Variants in CELSR3 observed in about 807,000 individuals in gnomAD.
CELSR3 encodes the protein EGF-like protein 1.
A neutral mutation model predicts 270.0 loss-of-function variants in CELSR3; 73 were observed. The ratio of observed to expected loss-of-function variants is 0.27; its 90% confidence interval spans 0.22 to 0.33. The LOEUF (loss-of-function observed/expected upper bound fraction) is 0.33. CELSR3 is among the 10% of genes least tolerant of loss of function. The pLI, the probability that CELSR3 is intolerant of heterozygous loss-of-function variation, is 1.00. For missense variants in CELSR3, 3,614 were observed against 4,533.8 expected (o/e 0.80, Z 5.83); for synonymous variants, 1,780 against 1,905.4 (o/e 0.93, Z 1.71).
chr3:48,656,196 A>G lies in CELSR3; in HGVS notation c.4569T>C (p.Ser1523=). Residue 1523 remains serine, a synonymous_variant, in exon 3 of 35, where the codon AGT becomes AGC. Coordinates refer to ENST00000164024, the MANE Select transcript of CELSR3 (RefSeq NM_001407.3). ...GCAGGCCGCGAAACATGACGAACGA[A>G]CTGGGCGGGAAGGAGCGCGCAGCCA... is the stretch of plus-strand genomic sequence containing the variant. ...CEVAARSFPP[S]SFVMFRGLRQ... 1.3e-6 allele frequency: 2 copies of G among 1,537,882 alleles called. No homozygotes were observed. The highest frequency in any genetic ancestry group is 1.7e-6 in the Non-Finnish European group (2 of 1,148,028).
Position 48,650,972 on chromosome 3 carries a change from G to A in CELSR3, c.6290C>T (p.Pro2097Leu), listed in dbSNP as rs746772187. Residue 2097 changes from proline (P) to leucine (L), a missense_variant, in exon 15 of 35, where the codon CCC (proline) becomes CTC (leucine). Physicochemically the swap from Pro to Leu is moderately conservative, Grantham distance 98. Transcript: ENST00000164024. The surrounding 1 kb of genome is among the most constrained non-coding windows in gnomAD (Gnocchi z 5.1). ...RSCAPHSGQC[P>L]CRPGALGRQC... ...GCGGCCAAGGGCTCCTGGGCGACAG[G>A]GGCACTGCCCGCTGTGGGGTGCACA... 8 of 1,611,890 alleles carry A rather than the reference G, an allele frequency of 5.0e-6. No homozygotes were observed. In the East Asian group the frequency reaches 8.9e-5, roughly 18 times the overall value.
At position 48,649,174 on chromosome 3, in the gene CELSR3, C is replaced by A; in HGVS notation, c.6514G>T (p.Glu2172Ter). Residue 2172 changes from glutamate (E) to a stop codon, truncating the protein, a stop_gained, in exon 17 of 35, where the codon GAG (glutamate) becomes TAG (stop). Transcript: ENST00000164024. LOFTEE classifies it high-confidence loss of function. Reference sequence around the variant, plus strand: ...GAGGTACAGTTGAAGAGGTCGGGCTCCAGCCAACCCTGGGCCTCATCACAC... The same window carrying A: ...GAGGTACAGTTGAAGAGGTCGGGCTACAGCCAACCCTGGGCCTCATCACAC... ...RLCDEAQGWL[E>*]PDLFNCTSPA... 6.2e-7 allele frequency: 1 copy of A among 1,612,148 alleles called. No homozygotes were observed. Among genetic ancestry groups the A allele is most frequent in the East Asian group, 2.2e-5 (1 of 44,858 alleles).
Position 48,650,410 on chromosome 3 carries a change from C to T in CELSR3, c.6472+70G>A. On this transcript the variant is annotated intron_variant, in intron 16 of 34. Coordinates refer to ENST00000164024, the MANE Select transcript of CELSR3 (RefSeq NM_001407.3). This position sits in a 1 kb window ranked among gnomAD's most constrained non-coding sequence, Gnocchi z 5.1. Reference sequence around the variant, plus strand: ...CAAAGCCACCCAATTTAGGAAAAGACATGGCTCTAGCAGTCAGAGTACAGG... The same window carrying T: ...CAAAGCCACCCAATTTAGGAAAAGATATGGCTCTAGCAGTCAGAGTACAGG... 1 of 1,235,384 alleles carries T rather than the reference C, an allele frequency of 8.1e-7. No homozygotes were observed. The highest frequency in any genetic ancestry group is 1.2e-6 in the Non-Finnish European group (1 of 863,388). 76.5% of individuals were successfully genotyped at this position (1,235,384 alleles called of 1,614,324 possible).
At position 48,657,307 on chromosome 3, in the gene CELSR3, C is replaced by A. The variant is rs2077031937; in HGVS notation, c.3790G>T (p.Val1264Phe). The A allele has an allele frequency of 1.2e-6, 2 of 1,609,312 alleles. No homozygotes were observed. Among genetic ancestry groups the A allele is most frequent in the South Asian group, 1.1e-5 (1 of 90,390 alleles). ...GCCAGCAACTCCTCCGTGATGATGA[C>A]CACGCGCAGCACACACTGCGCCGTC... The part of the protein sequence containing the change: ...SVTAQCVLRV[V>F]IITEELLANS... Residue 1264 changes from valine to phenylalanine, a missense_variant, in exon 2 of 35, where the codon GTC becomes TTC. Physicochemically the swap from Val to Phe is conservative, Grantham distance 50 (BLOSUM62 -1). This residue lies in a region of CELSR3 where 1,331 missense variants were observed against 1,933.7 expected (regional missense o/e 0.69). Transcript: ENST00000164024. This position sits in a 1 kb window ranked among gnomAD's most constrained non-coding sequence, Gnocchi z 5.4.
rs781777002 is a variant in CELSR3 at position 48,662,203 on chromosome 3, C to T, written c.432G>A (p.Arg144=). ...YWRPEVSSCG[R]TGPLQRGSLS... ...GACTACCTCTTTGCAAAGGTCCTGT[C>T]CGCCCGCAAGAGGAGACCTCTGGGC... The change falls in exon 1 of 35, where the codon CGG becomes CGA. Residue 144 remains arginine (R), a synonymous_variant. Coordinates refer to ENST00000164024, the MANE Select transcript of CELSR3 (RefSeq NM_001407.3). This position sits in a 1 kb window ranked among gnomAD's most constrained non-coding sequence, Gnocchi z 7.1. 75 of 1,612,884 alleles carry T rather than the reference C, an allele frequency of 4.7e-5. No homozygotes were observed. In the Admixed American group the frequency reaches 6.2e-4, roughly 13 times the overall value.
rs1045256045 is a variant in CELSR3, at chr3:48,646,936, G to A, written c.7130-8C>T. 5.3e-6 allele frequency: 8 copies of A among 1,516,700 alleles called. No individual in the cohort carries two copies. Among genetic ancestry groups the A allele is most frequent in the African/African-American group, 1.4e-5 (1 of 70,060 alleles). The allele number at this position is 1,516,700 out of a possible 1,614,324, so 94.0% of individuals were successfully genotyped here. A position where few individuals can be genotyped will look rare whatever the true frequency, so the allele number is the denominator to read the frequency against. ...TGCTGCTTGTGGGCAGAACTGCCAG[G>A]AGAGAAGGAGGAGCTTCTGTCAGTG... On this transcript the variant is annotated splice_region_variant and splice_polypyrimidine_tract_variant and intron_variant, in intron 20 of 34. Coordinates refer to ENST00000164024, the MANE Select transcript of CELSR3 (RefSeq NM_001407.3). This position sits in a 1 kb window ranked among gnomAD's most constrained non-coding sequence, Gnocchi z 4.8.
At position 48,648,699 on chromosome 3, in the gene CELSR3, A is replaced by G. The variant is rs1187596990; in HGVS notation, c.6777+20T>C. ...GGAGCTGGGGGGCCAAGGCACTGAG[A>G]ACATAGGGCACAGCCCCACCTCATT... On this transcript the variant is annotated intron_variant, in intron 18 of 34. Transcript: ENST00000164024. 2 of 1,604,670 alleles carry G rather than the reference A, an allele frequency of 1.2e-6. No individual in the cohort carries two copies. The highest frequency in any genetic ancestry group is 1.7e-6 in the Non-Finnish European group (2 of 1,178,530).
In CELSR3 at chr3:48,654,394, A is replaced by C; in HGVS notation, c.5047T>G (p.Phe1683Val). The C allele has an allele frequency of 6.2e-7, 1 of 1,609,638 alleles. No homozygotes were observed. The highest frequency in any genetic ancestry group is 8.5e-7 in the Non-Finnish European group (1 of 1,176,392). The change falls in exon 7 of 35, where the codon TTC becomes GTC. Residue 1683 changes from phenylalanine (F) to valine (V), a missense_variant. Phe to Val is a conservative substitution (Grantham distance 50). Transcript: ENST00000164024. This position sits in a 1 kb window ranked among gnomAD's most constrained non-coding sequence, Gnocchi z 5.4. ...ATGAAGTCCTTATGGGATACGGGGA[A>C]GTTCTCGGGGAGGTTGGGGACACCT... The part of the protein sequence containing the change: ...LGGVPNLPEN[F>V]PVSHKDFIGC...
At position 48,651,141 on chromosome 3, in the gene CELSR3, G is replaced by A; in HGVS notation, c.6187-66C>T. 1 of 1,501,814 alleles carries A rather than the reference G, an allele frequency of 6.7e-7. No homozygotes were observed. Among genetic ancestry groups the A allele is most frequent in the Non-Finnish European group, 9.0e-7 (1 of 1,113,478 alleles). The allele number at this position is 1,501,814 out of a possible 1,614,324, so 93.0% of individuals were successfully genotyped here. On this transcript the variant is annotated intron_variant, in intron 14 of 34. Coordinates refer to ENST00000164024, the MANE Select transcript of CELSR3 (RefSeq NM_001407.3). The surrounding 1 kb of genome is among the most constrained non-coding windows in gnomAD (Gnocchi z 7.4). The stretch of plus-strand genomic sequence containing the variant: ...GGCTTGGGGAATGAGTGGAATCAAG[G>A]ATAAAGGGTCAAGAGAACAGTGCTC...
In CELSR3 at chr3:48,640,444, G is replaced by A. The variant is rs372356484; in HGVS notation, c.9141C>T (p.Tyr3047=). 43 of 1,612,646 alleles carry A rather than the reference G, an allele frequency of 2.7e-5. No homozygotes were observed. The highest frequency in any genetic ancestry group is 2.2e-4 in the East Asian group (10 of 44,884). The change falls in exon 34 of 35, where the codon TAC becomes TAT. Residue 3047 remains tyrosine (Y), a synonymous_variant. Transcript: ENST00000164024. This position sits in a 1 kb window ranked among gnomAD's most constrained non-coding sequence, Gnocchi z 7.5. ...TGCCCCCGCCAGCATAGATGCGACC[G>A]TAAGAGGCAGCTGGCACAGCACGGT... ...LGHRAVPAAS[Y]GRIYAGGGTG...
chr3:48,657,022 G>A lies in CELSR3; in HGVS notation c.4075C>T (p.Arg1359Cys). Reference protein sequence around the residue: ...SEELQEQLYVRRAALAARSLL... With the variant: ...SEELQEQLYVCRAALAARSLL... ...GAGCGAGCCGCCAGCGCCGCCCGGC[G>A]CACGTACAACTGCTCCTGCAGCTCC... Residue 1359 changes from arginine (R) to cysteine (C), a missense_variant, in exon 2 of 35, where the codon CGC becomes TGC. By Grantham distance (180) the Arg-to-Cys change is radical (BLOSUM62 -3). This residue lies in a region of CELSR3 where 1,331 missense variants were observed against 1,933.7 expected (regional missense o/e 0.69). Transcript: ENST00000164024. The surrounding 1 kb of genome is among the most constrained non-coding windows in gnomAD (Gnocchi z 5.4). The A allele has an allele frequency of 1.2e-6, 2 of 1,613,506 alleles. No homozygotes were observed. Among genetic ancestry groups the A allele is most frequent in the Non-Finnish European group, 8.5e-7 (1 of 1,179,790 alleles).
rs2047159527 is a variant in CELSR3, at chr3:48,653,963, G to A, written c.5193C>T (p.Cys1731=). The A allele has an allele frequency of 1.2e-6, 2 of 1,613,438 alleles. No individual in the cohort carries two copies. The highest frequency in any genetic ancestry group is 2.7e-5 in the African/African-American group (2 of 74,956). The part of the protein sequence containing the change: ...AKLHFCDSGP[C]KNSGFCSERW... Reference sequence around the variant, plus strand: ...GCTCCGAGCAGAAGCCACTGTTCTTGCAGGGGCCTGAGTCACAAAAGTGTA... The same window carrying A: ...GCTCCGAGCAGAAGCCACTGTTCTTACAGGGGCCTGAGTCACAAAAGTGTA... The change falls in exon 8 of 35, where the codon TGC becomes TGT. Residue 1731 remains cysteine, a synonymous_variant. Transcript: ENST00000164024. The surrounding 1 kb of genome is among the most constrained non-coding windows in gnomAD (Gnocchi z 6.5).
chr3:48,654,996 G>A lies in CELSR3; in HGVS notation c.4988+48C>T. 6.3e-7 allele frequency: 1 copy of A among 1,575,654 alleles called. No homozygotes were observed. The highest frequency in any genetic ancestry group is 8.7e-7 in the Non-Finnish European group (1 of 1,145,550). On this transcript the variant is annotated intron_variant, in intron 6 of 34. Transcript: ENST00000164024. The surrounding 1 kb of genome is among the most constrained non-coding windows in gnomAD (Gnocchi z 5.4). The stretch of plus-strand genomic sequence containing the variant: ...GGAATGGGATGTGAAGGGTTGGAGT[G>A]GGCTTTGGTAGGCAGGGGACAAGGG...
Position 48,658,839 on chromosome 3 carries a change from CCA to C in CELSR3, c.3748+46_3748+47del, listed in dbSNP as rs2077044328. 6.3e-7 allele frequency: 1 copy of C among 1,589,458 alleles called. No homozygotes were observed. Among genetic ancestry groups the C allele is most frequent in the Admixed American group, 1.7e-5 (1 of 58,700 alleles). On this transcript the variant is annotated intron_variant, in intron 1 of 34. Coordinates refer to ENST00000164024, the MANE Select transcript of CELSR3 (RefSeq NM_001407.3). The surrounding 1 kb of genome is among the most constrained non-coding windows in gnomAD (Gnocchi z 4.7). ...AGGTGCCCTGTGGAGTCCCTGAGGC[CCA>C]ACAGGTTGGTGTCACTGGGTCACTT...
chr3:48,657,000 C>A lies in CELSR3; in HGVS notation c.4097G>T (p.Arg1366Leu), dbSNP rs1315856443. Residue 1366 changes from arginine to leucine, a missense_variant, in exon 2 of 35, where the codon CGC becomes CTC. Transcript: ENST00000164024. ...LYVRRAALAA[R>L]SLLDVLPFDD... is the part of the protein sequence containing the mutation. ...GAAGGGCAGTACGTCGAGCAGGGAG[C>A]GAGCCGCCAGCGCCGCCCGGCGCAC... 6.2e-7 allele frequency: 1 copy of A among 1,612,698 alleles called. No individual in the cohort carries two copies. The highest frequency in any genetic ancestry group is 8.5e-7 in the Non-Finnish European group (1 of 1,179,540).
rs757992900 is a variant in CELSR3 at position 48,645,620 on chromosome 3, A to T, written c.7620T>A (p.Ala2540=). Residue 2540 remains alanine (A), a synonymous_variant, in exon 24 of 35, where the codon GCT becomes GCA. Coordinates refer to ENST00000164024, the MANE Select transcript of CELSR3 (RefSeq NM_001407.3). The surrounding 1 kb of genome is among the most constrained non-coding windows in gnomAD (Gnocchi z 5.4). ...ERLEGDLELL[A]VFTHVVVAVS... The stretch of plus-strand genomic sequence containing the variant: ...CAGCCACGACCACGTGGGTGAACAC[A>T]GCCAGCAGCTCCAGGTCGCCCTCCA... 9.9e-6 allele frequency: 16 copies of T among 1,610,444 alleles called. No homozygotes were observed. The highest frequency in any genetic ancestry group is 1.7e-5 in the Admixed American group (1 of 59,990).
chr3:48,656,597 G>A lies in CELSR3; in HGVS notation c.4399+101C>T, dbSNP rs1347999861. 6.9e-5 allele frequency: 95 copies of A among 1,380,082 alleles called. No homozygotes were observed. The South Asian group carries it at 1.4e-3, about 21-fold the overall frequency. The allele number at this position is 1,380,082 out of a possible 1,614,324, so 85.5% of individuals were successfully genotyped here. ...TCTGGCCTAAGCGCGTCCATACCAG[G>A]CCGTGGCCTCAGAAGTGACTCCCAG... On this transcript the variant is annotated intron_variant, in intron 2 of 34. Transcript: ENST00000164024.
chr3:48,640,304 C>T lies in CELSR3; in HGVS notation c.9281G>A (p.Arg3094His), dbSNP rs1027415269. The T allele has an allele frequency of 1.7e-5, 28 of 1,612,684 alleles. No homozygotes were observed. Among genetic ancestry groups the T allele is most frequent in the African/African-American group, 4.0e-5 (3 of 74,926 alleles). ...CTGGGACCCTGGCCGGCTCAGGGGA[C>T]GTAGAACAGGGGCAGGGGCTTCCTC... ...RLEEAPAPVL[R>H]PLSRPGSQEC... Residue 3094 changes from arginine (R) to histidine (H), a missense_variant, in exon 34 of 35, where the codon CGT (arginine) becomes CAT (histidine). By Grantham distance (29) the Arg-to-His change is conservative. This residue lies in a region of CELSR3 where 1,240 missense variants were observed against 1,351.7 expected (regional missense o/e 0.92). Transcript: ENST00000164024. The surrounding 1 kb of genome is among the most constrained non-coding windows in gnomAD (Gnocchi z 7.5).
At position 48,651,092 on chromosome 3, in the gene CELSR3, CA is replaced by C. The variant is rs752640654; in HGVS notation, c.6187-18del. ...GTGGAACTCCTGTTTGAGGATGGGC[CA>C]GGGGCCTGAAGTCAGAGGTCAGGGC... is the stretch of plus-strand genomic sequence containing the variant. On this transcript the variant is annotated intron_variant, in intron 14 of 34. Coordinates refer to ENST00000164024, the MANE Select transcript of CELSR3 (RefSeq NM_001407.3). The surrounding 1 kb of genome is among the most constrained non-coding windows in gnomAD (Gnocchi z 7.4). 6.5e-7 allele frequency: 1 copy of C among 1,546,778 alleles called. No homozygotes were observed. The highest frequency in any genetic ancestry group is 2.3e-5 in the East Asian group (1 of 44,376).
Sources: allele counts gnomAD v4.1 joint callset, GRCh38; gene constraint gnomAD v4.1.1; regional missense constraint gnomAD v4.1.1; non-coding constraint Gnocchi (gnomAD v3.1); transcripts MANE v1.5; gene names NCBI Gene and HGNC (gene_info 2026-07-23, HGNC 2026-07-21).